The following MTERF4 variants were observed in gnomAD, a reference collection of about 807,000 sequenced individuals.
The protein encoded by MTERF4 is transcription termination factor 4, mitochondrial.
Under a neutral mutation model 22.5 loss-of-function variants are expected in MTERF4, and 17 were observed. The ratio of observed to expected loss-of-function variants is 0.75; its 90% CI spans 0.52 to 1.13. The LOEUF (loss-of-function observed/expected upper bound fraction) is 1.13, where lower values mean the gene tolerates loss of function less well. Ranked by LOEUF, MTERF4 falls within the 50% of genes most tolerant of loss-of-function variation. The probability of loss-of-function intolerance (pLI) is 0.00; values close to 1 mark genes in which losing one functional copy is unlikely to be tolerated. For synonymous variants in MTERF4, 165 were observed against 175.3 expected (o/e 0.94, Z 0.47); for missense variants, 420 against 466.8 (o/e 0.90, Z 0.92).
At chr2:241,081,296 C>T (rs2063315127) in intron 4 of MTERF4, among the ~76,000 whole-genome samples, 1 of 152,144 alleles carries the variant, frequency 6.6e-6, no homozygotes, top group South Asian at 2.1e-4. Context: ...GCAGCAGAAA[C>T]CGTGTTCAGG....
intron 1 of MTERF4, among the ~76,000 whole-genome samples, chr2:241,101,835 C>T (rs1241667637): frequency 6.6e-6 from 1 of 152,182 alleles, no homozygotes; most frequent in African/African-American, 2.4e-5. Context: ...GGTGGATCAC[C>T]TGAGGCCAGA....
the MTERF4 span, chr2:241,064,064 C>T: frequency 1.9e-6 from 3 of 1,569,408 alleles, no homozygotes; most frequent in Admixed American, 1.9e-5. This position sits in a 1 kb window ranked among gnomAD's most constrained non-coding sequence, Gnocchi z 7.0. Context: ...GGTGTGAGAG[C>T]GGCGGCGGGG....
the MTERF4 span, chr2:241,052,211 G>T: frequency 6.5e-7 from 1 of 1,540,112 alleles, no homozygotes; most frequent in South Asian, 1.1e-5. Context: ...CCTCTCTGCA[G>T]ATGTGAAAAC....
At chr2:241,065,991 G>C in the MTERF4 span, among the ~76,000 whole-genome samples, 1 of 152,162 alleles carries the variant, frequency 6.6e-6, no homozygotes, top group Non-Finnish European at 1.5e-5. Flanking sequence ...TGAAGGCCTG[G>C]GGAGAGTTTG....
downstream of MTERF4, among the ~76,000 whole-genome samples, chr2:241,082,763 A>G (rs1361192590): frequency 1.3e-5 from 2 of 152,218 alleles, no homozygotes. Flanking sequence ...CCATTAACTC[A>G]TGATGTGGCC....
At chr2:241,092,347 T>C (rs2125361747), downstream of MTERF4, 1 of 152,328 alleles carries the variant, frequency 6.6e-6, no homozygotes, top group Non-Finnish European at 1.5e-5. This position sits in a 1 kb window ranked among gnomAD's most constrained non-coding sequence, Gnocchi z 4.6. Flanking sequence ...CAGAGGTCCC[T>C]GTGGCTACAG....
chr2:241,072,796 G>C (rs890730241), exon 5 of MTERF4: 1 of 191,920 alleles, frequency 5.2e-6, no homozygotes, highest in African/African-American at 2.4e-5. Context: ...TGAAGTGCCC[G>C]AGGGTGCGGT....
intron 4 of MTERF4, among the ~76,000 whole-genome samples, chr2:241,080,697 C>T (rs1463517223): frequency 2.0e-5 from 3 of 152,222 alleles, no homozygotes; most frequent in Non-Finnish European, 4.4e-5. Flanking sequence ...GACGGAAGCC[C>T]ATGAAATATA....
At chr2:241,087,419 A>G, downstream of MTERF4, 2 of 1,604,024 alleles carry the variant, frequency 1.2e-6, no homozygotes, top group Middle Eastern at 3.3e-4. Flanking sequence ...GAGTTCACCA[A>G]GACATCTGCT....
chr2:241,051,994 G>A, the MTERF4 span: 9 of 1,566,240 alleles, frequency 5.7e-6, no homozygotes, highest in Admixed American at 5.2e-5. The surrounding 1 kb of genome is among the most constrained non-coding windows in gnomAD (Gnocchi z 4.7). Context: ...GTTGGGGAAC[G>A]TGGGAGGGGC....
At chr2:241,077,428 A>G (rs1321534445) in intron 4 of MTERF4, among the ~76,000 whole-genome samples, 1 of 152,208 alleles carries the variant, frequency 6.6e-6, no homozygotes, top group Non-Finnish European at 1.5e-5. Context: ...ACTACTCTTC[A>G]TCAAAACTTA....
chr2:241,082,365 G>GT (rs1559310622), downstream of MTERF4: 1 of 1,612,262 alleles, frequency 6.2e-7, no homozygotes, highest in South Asian at 1.1e-5. Flanking sequence ...GTCACCACGT[G>GT]TAAGTTGGTT....
chr2:241,063,880 G>A, the MTERF4 span: 7 of 775,594 alleles, frequency 9.0e-6, no homozygotes, highest in African/African-American at 3.5e-5. Context: ...GCTGAGGGGC[G>A]GGACCTGCCC....
At chr2:241,071,843 G>A (rs2125243965), downstream of MTERF4, 2 of 1,605,636 alleles carry the variant, frequency 1.2e-6, no homozygotes, top group Non-Finnish European at 1.7e-6. Context: ...GCCAGGTTCG[G>A]TGGCTCACCC....
chr2:241,067,507 G>A (rs1025400632), downstream of MTERF4, among the ~76,000 whole-genome samples: 1 of 152,206 alleles, frequency 6.6e-6, no homozygotes, highest in Non-Finnish European at 1.5e-5. Context: ...TAAGACCCCT[G>A]CCTCTGGTAA....
chr2:241,068,646 T>A (rs1168589541), downstream of MTERF4, among the ~76,000 whole-genome samples: 1 of 152,016 alleles, frequency 6.6e-6, no homozygotes, highest in Non-Finnish European at 1.5e-5. This position sits in a 1 kb window ranked among gnomAD's most constrained non-coding sequence, Gnocchi z 5.3. Flanking sequence ...CTCTCCCAGC[T>A]GAACACCGGC....
chr2:241,066,407 G>A, the MTERF4 span, among the ~76,000 whole-genome samples: 12 of 152,338 alleles, frequency 7.9e-5, no homozygotes, highest in African/African-American at 2.9e-4. Flanking sequence ...AAAGCAGAGG[G>A]CTGGCCTTCC....
At chr2:241,071,124 G>A (rs1304240954), downstream of MTERF4, among the ~76,000 whole-genome samples, 2 of 152,186 alleles carry the variant, frequency 1.3e-5, no homozygotes, top group Non-Finnish European at 2.9e-5. Context: ...GAAGGACGCT[G>A]TTAGGGTGAC....
chr2:241,053,454 T>TCC, the MTERF4 span: 1 of 902,294 alleles, frequency 1.1e-6, no homozygotes, highest in East Asian at 2.6e-5. Flanking sequence ...CTGCCCCTGC[T>TCC]CCCCTCAGTC....
Sources: gnomAD v4.1 joint callset for allele counts (sites outside exome capture counted in the v4.1 genomes callset) on GRCh38, gnomAD v4.1.1 for gene constraint, Gnocchi (gnomAD v3.1) non-coding constraint, MANE v1.5 for transcripts, NCBI Gene and HGNC (gene_info 2026-07-23, HGNC 2026-07-21) for gene names.